The following DAB1 variants were observed in gnomAD, a reference collection of about 807,000 sequenced individuals.
DAB1 encodes DAB adaptor protein 1.
Under a neutral mutation model 64.6 loss-of-function variants are expected in DAB1, and 15 were observed. That is an observed-to-expected ratio of 0.23 (90% CI 0.16 to 0.36). The LOEUF (loss-of-function observed/expected upper bound fraction) is 0.36, where lower values mean the gene tolerates loss of function less well. DAB1 is among the 10% of genes least tolerant of loss of function. The pLI is 1.00. For synonymous variants in DAB1, 235 were observed against 251.9 expected (o/e 0.93, Z 0.64); for missense variants, 596 against 706.7 (o/e 0.84, Z 1.78).
At chr1:57,922,991 C>A (rs1644831915) in intron 5 of DAB1, among the ~76,000 whole-genome samples, 1 of 151,182 alleles carries the variant, frequency 6.6e-6, no homozygotes. Context: ...TCCCTCCCTG[C>A]CTCCTCCTTT....
At chr1:57,032,309 T>C (rs959085172) in intron 9 of DAB1, among the ~76,000 whole-genome samples, 1 of 152,104 alleles carries the variant, frequency 6.6e-6, no homozygotes, top group African/African-American at 2.4e-5. Context: ...GCTACAGAGA[T>C]AGGTAAGGCA....
chr1:58,286,131 G>A (rs1661674692), intron 4 of DAB1, among the ~76,000 whole-genome samples: 1 of 152,200 alleles, frequency 6.6e-6, no homozygotes, highest in East Asian at 1.9e-4. Context: ...AATTGAAACT[G>A]AACTCCTGCC....
chr1:58,057,457 T>A (rs1211766143), intron 5 of DAB1, among the ~76,000 whole-genome samples: 1 of 152,152 alleles, frequency 6.6e-6, no homozygotes, highest in African/African-American at 2.4e-5. Flanking sequence ...TCTAGACCAA[T>A]AGGACAAATT....
At chr1:57,891,170 GACAA>G (rs1272144163) in intron 5 of DAB1, among the ~76,000 whole-genome samples, 3 of 152,056 alleles carry the variant, frequency 2.0e-5, no homozygotes, top group African/African-American at 4.8e-5. Context: ...ACAAGAAAAA[GACAA>G]ACAACCCCAC....
At chr1:57,378,932 T>A (rs1235475152) in intron 1 of DAB1, among the ~76,000 whole-genome samples, 1 of 152,190 alleles carries the variant, frequency 6.6e-6, no homozygotes, top group Non-Finnish European at 1.5e-5. Flanking sequence ...GCTTCTCTTC[T>A]AAAGTAAATT....
At chr1:57,829,719 G>A (rs1652503015) in intron 1 of DAB1, among the ~76,000 whole-genome samples, 1 of 152,102 alleles carries the variant, frequency 6.6e-6, no homozygotes, top group South Asian at 2.1e-4. Flanking sequence ...TTTTTGCTCA[G>A]CCCGCCCCCT....
chr1:57,041,983 T>C (rs1284348051), intron 9 of DAB1, among the ~76,000 whole-genome samples: 1 of 152,176 alleles, frequency 6.6e-6, no homozygotes, highest in African/African-American at 2.4e-5. Context: ...TCCTTTTCAC[T>C]CCACCATGGT....
intron 4 of DAB1, among the ~76,000 whole-genome samples, chr1:58,228,007 A>G (rs1570512129): frequency 6.6e-6 from 1 of 152,288 alleles, no homozygotes; most frequent in East Asian, 1.9e-4. Flanking sequence ...AAGAAAGTGG[A>G]CTCCCTGAGG....
chr1:58,218,989 TTCTCTC>T (rs1049058578), intron 4 of DAB1, among the ~76,000 whole-genome samples: 102 of 125,926 alleles, frequency 8.1e-4, no homozygotes, highest in African/African-American at 2.4e-3. Flanking sequence ...ATTCTGGCCA[TTCTCTC>T]TCTCTCTCTC....
At chr1:57,683,633 C>T (rs1224605282) in intron 6 of DAB1, among the ~76,000 whole-genome samples, 1 of 152,178 alleles carries the variant, frequency 6.6e-6, no homozygotes. Flanking sequence ...AATTGACTAT[C>T]CTCAACTTAT....
At chr1:58,339,900 G>T (rs1410836710) in intron 4 of DAB1, among the ~76,000 whole-genome samples, 1 of 151,974 alleles carries the variant, frequency 6.6e-6, no homozygotes, top group African/African-American at 2.4e-5. Flanking sequence ...TGCAATTTTA[G>T]GAATGATTAG....
At chr1:58,447,690 G>C (rs1056734355) in intron 3 of DAB1, among the ~76,000 whole-genome samples, 2 of 152,088 alleles carry the variant, frequency 1.3e-5, no homozygotes, top group African/African-American at 4.8e-5. Context: ...ATGTGAGCTC[G>C]GATGAACAAT....
intron 5 of DAB1, among the ~76,000 whole-genome samples, chr1:57,989,258 C>G (rs139350828): frequency 0.02 from 3,007 of 152,228 alleles, 66 homozygotes; most frequent in African/African-American, 0.049. Flanking sequence ...CCTCCTCTCG[C>G]TAGAGCCCCC....
intron 7 of DAB1, among the ~76,000 whole-genome samples, chr1:57,489,114 C>T (rs1233243772): frequency 1.3e-5 from 2 of 152,194 alleles, no homozygotes. Flanking sequence ...AAGTGGGTGT[C>T]AGGATAAGCT....
intron 5 of DAB1, among the ~76,000 whole-genome samples, chr1:57,998,491 G>A (rs1349717859): frequency 1.3e-5 from 2 of 150,222 alleles, no homozygotes; most frequent in Non-Finnish European, 2.9e-5. Context: ...AGCCTCTTGA[G>A]TAGCTGGGAC....
intron 4 of DAB1, among the ~76,000 whole-genome samples, chr1:58,324,176 A>G (rs1662766843): frequency 6.6e-6 from 1 of 151,966 alleles, no homozygotes; most frequent in African/African-American, 2.4e-5. Flanking sequence ...TCCTCCACAA[A>G]TATCATCTAA....
At chr1:58,093,329 G>A (rs1280251710) in intron 5 of DAB1, among the ~76,000 whole-genome samples, 1 of 152,062 alleles carries the variant, frequency 6.6e-6, no homozygotes, top group Admixed American at 6.5e-5. Context: ...TTAAAGCGGG[G>A]GTCCCTAATT....
chr1:57,678,135 C>T (rs1176978415), intron 6 of DAB1, among the ~76,000 whole-genome samples: 2 of 152,014 alleles, frequency 1.3e-5, no homozygotes, highest in Non-Finnish European at 2.9e-5. Context: ...GGAGGAGACT[C>T]CAGGATTCAT....
chr1:57,533,561 A>ATATATG (rs1246044635), intron 7 of DAB1, among the ~76,000 whole-genome samples: 4 of 88,966 alleles, frequency 4.5e-5, no homozygotes, highest in East Asian at 7.0e-4. Flanking sequence ...ATATATATAT[A>ATATATG]TATATGTATA....
Sources: gnomAD v4.1 joint callset for allele counts (sites outside exome capture counted in the v4.1 genomes callset) on GRCh38, gnomAD v4.1.1 for gene constraint, MANE v1.5 for transcripts, NCBI Gene and HGNC (gene_info 2026-07-23, HGNC 2026-07-21) for gene names.